The following CNTNAP2 variants were observed in gnomAD, a reference collection of about 807,000 sequenced individuals.
CNTNAP2 encodes contactin-associated protein-like 2.
In CNTNAP2, 98 loss-of-function variants were observed where a neutral mutation model predicts 155.2. That is an observed-to-expected ratio of 0.63 (90% CI 0.54 to 0.75). CNTNAP2 has a LOEUF of 0.75. CNTNAP2 is among the 30% of genes least tolerant of loss of function. The pLI, the probability that CNTNAP2 is intolerant of heterozygous loss-of-function variation, is 0.00. For synonymous variants in CNTNAP2, 651 were observed against 631.2 expected (o/e 1.03, Z -0.47); for missense variants, 1,727 against 1,688.1 (o/e 1.02, Z -0.40).
chr7:147,314,089 C>T (rs1017281343), intron 9 of CNTNAP2, among the ~76,000 whole-genome samples: 1 of 151,842 alleles, frequency 6.6e-6, no homozygotes, highest in Non-Finnish European at 1.5e-5. Context: ...TATAAGAATG[C>T]ATGTGATTTT....
intron 1 of CNTNAP2, among the ~76,000 whole-genome samples, chr7:146,260,868 AC>A (rs1799909098): frequency 6.6e-6 from 1 of 152,190 alleles, no homozygotes; most frequent in Non-Finnish European, 1.5e-5. Context: ...TGTGAAAAGG[AC>A]ATGACATTTG....
intron 12 of CNTNAP2, among the ~76,000 whole-genome samples, chr7:147,586,147 A>G (rs1042606133): frequency 6.6e-6 from 1 of 152,210 alleles, no homozygotes; most frequent in Non-Finnish European, 1.5e-5. Context: ...GTCTAAAGAC[A>G]TAGAATCAAG....
At chr7:146,632,469 C>T (rs1182705926) in intron 1 of CNTNAP2, among the ~76,000 whole-genome samples, 3 of 151,910 alleles carry the variant, frequency 2.0e-5, no homozygotes, top group Non-Finnish European at 4.4e-5. Context: ...TCGATTTAGA[C>T]TTAAGTAACA....
chr7:148,288,139 G>A (rs188652916), intron 21 of CNTNAP2, among the ~76,000 whole-genome samples: 1,482 of 134,020 alleles, frequency 0.011, 33 homozygotes, highest in African/African-American at 0.039. Context: ...TCACACTGTC[G>A]CCCGGGCTGG....
chr7:147,237,868 T>A (rs1337634014), intron 8 of CNTNAP2, among the ~76,000 whole-genome samples: 10 of 152,208 alleles, frequency 6.6e-5, no homozygotes, highest in Non-Finnish European at 1.3e-4. Flanking sequence ...TGGAAAAACA[T>A]TTTTTATCAG....
chr7:146,380,115 T>TA, intron 1 of CNTNAP2, among the ~76,000 whole-genome samples: 1 of 152,164 alleles, frequency 6.6e-6, no homozygotes, highest in Non-Finnish European at 1.5e-5. Context: ...TAAATGAAAA[T>TA]AAAAAATATT....
At chr7:147,778,130 A>G (rs1436260618) in intron 13 of CNTNAP2, among the ~76,000 whole-genome samples, 1 of 152,190 alleles carries the variant, frequency 6.6e-6, no homozygotes, top group Non-Finnish European at 1.5e-5. Flanking sequence ...TAAAGTCCCC[A>G]TATTATCCCA....
intron 21 of CNTNAP2, among the ~76,000 whole-genome samples, chr7:148,349,514 G>A (rs1258677365): frequency 6.7e-6 from 1 of 149,032 alleles, no homozygotes; most frequent in Non-Finnish European, 1.5e-5. Context: ...CCATTCTCCT[G>A]CCTCAGTCTC....
At chr7:146,648,230 A>G (rs1799848437) in intron 1 of CNTNAP2, among the ~76,000 whole-genome samples, 1 of 152,208 alleles carries the variant, frequency 6.6e-6, no homozygotes, top group Non-Finnish European at 1.5e-5. Flanking sequence ...GTTATTTTCA[A>G]GTGATCCTTT....
intron 13 of CNTNAP2, among the ~76,000 whole-genome samples, chr7:147,800,535 G>C (rs1336758955): frequency 2.0e-5 from 3 of 151,778 alleles, no homozygotes; most frequent in African/African-American, 7.3e-5. Context: ...CCTCATTTGG[G>C]TGTATAGATC....
At chr7:148,051,575 A>G (rs1802889891) in intron 15 of CNTNAP2, among the ~76,000 whole-genome samples, 1 of 152,234 alleles carries the variant, frequency 6.6e-6, no homozygotes, top group Admixed American at 6.5e-5. Context: ...TACTGTTTAC[A>G]TAAGAAGTAG....
chr7:146,313,500 C>G (rs116518538), intron 1 of CNTNAP2, among the ~76,000 whole-genome samples: 4,427 of 152,222 alleles, frequency 0.029, 95 homozygotes, highest in African/African-American at 0.061. Context: ...TCTGGTTTCT[C>G]TCTTCATCGA....
intron 11 of CNTNAP2, among the ~76,000 whole-genome samples, chr7:147,559,937 G>A (rs964081269): frequency 6.6e-6 from 1 of 150,922 alleles, no homozygotes; most frequent in Middle Eastern, 3.5e-3. Context: ...TTGAGAGGCC[G>A]AGGCGCAGAT....
intron 9 of CNTNAP2, among the ~76,000 whole-genome samples, chr7:147,347,167 T>C (rs1795877683): frequency 6.6e-6 from 1 of 151,976 alleles, no homozygotes; most frequent in African/African-American, 2.4e-5. Flanking sequence ...AGAATAAAGG[T>C]AGCTATTCCA....
At chr7:147,934,650 G>A (rs1258283017) in intron 14 of CNTNAP2, among the ~76,000 whole-genome samples, 2 of 152,188 alleles carry the variant, frequency 1.3e-5, no homozygotes, top group African/African-American at 4.8e-5. Flanking sequence ...TAAGAGATCT[G>A]AGGAAATTAC....
chr7:146,955,452 G>A (rs78175265), intron 3 of CNTNAP2, among the ~76,000 whole-genome samples: 2,777 of 151,926 alleles, frequency 0.018, 82 homozygotes, highest in East Asian at 0.15. Context: ...AAAGACACTA[G>A]AAACAAAAAT....
intron 1 of CNTNAP2, among the ~76,000 whole-genome samples, chr7:146,499,976 T>A (rs946246631): frequency 6.6e-6 from 1 of 152,216 alleles, no homozygotes; most frequent in Admixed American, 6.6e-5. Flanking sequence ...TTTTCTTTTT[T>A]ATATCATTGT....
At chr7:147,326,146 G>C (rs753773293) in intron 9 of CNTNAP2, among the ~76,000 whole-genome samples, 22 of 152,236 alleles carry the variant, frequency 1.4e-4, no homozygotes, top group South Asian at 4.1e-4. Context: ...GGATGGTCTC[G>C]ATCTCCTGAC....
At chr7:148,059,243 A>G (rs1803084313) in intron 15 of CNTNAP2, among the ~76,000 whole-genome samples, 1 of 152,106 alleles carries the variant, frequency 6.6e-6, no homozygotes, top group African/African-American at 2.4e-5. Context: ...AGTGGAGATC[A>G]TGCCACTGAA....
Sources: gnomAD v4.1 joint callset for allele counts (sites outside exome capture counted in the v4.1 genomes callset) on GRCh38, gnomAD v4.1.1 for gene constraint, MANE v1.5 for transcripts, NCBI Gene and HGNC (gene_info 2026-07-23, HGNC 2026-07-21) for gene names.